The following ZNF668 variants were observed in gnomAD, a reference collection of about 807,000 sequenced individuals.
The protein encoded by ZNF668 is zinc finger protein 668.
Under a neutral mutation model 40.3 loss-of-function variants are expected in ZNF668, and 10 were observed. The observed-to-expected ratio is 0.25, with a 90% CI of 0.15 to 0.42. The LOEUF (loss-of-function observed/expected upper bound fraction) is 0.42. ZNF668 is among the 10% of genes least tolerant of loss of function. The pLI, the probability that ZNF668 is intolerant of heterozygous loss-of-function variation, is 1.00. For missense variants in ZNF668, 749 were observed against 904.6 expected, an observed-to-expected ratio of 0.83 and a Z score of 2.21; for synonymous variants, 428 against 384.6, an observed-to-expected ratio of 1.11 and a Z score of -1.32.
At position 31,060,930 on chromosome 16, in the gene ZNF668, C is replaced by T; in HGVS notation, c.*138G>A. ...TGCCAGCCTCCACTGTCCCAGCTCT[C>T]TTAGCTGGCCGACAGGGGAGCTAGT... On this transcript the variant is annotated 3_prime_UTR_variant, in exon 3 of 3. Transcript: ENST00000300849. 2 of 1,112,884 alleles carry T rather than the reference C, an allele frequency of 1.8e-6. No individual in the cohort carries two copies. Among genetic ancestry groups the T allele is most frequent in the Non-Finnish European group, 2.4e-6 (2 of 834,214 alleles). 68.9% of individuals were successfully genotyped at this position (1,112,884 alleles called of 1,614,324 possible).
At chr16:31,069,634 CT>C (rs565173006) in intron 1 of ZNF668, among the ~76,000 whole-genome samples, 67 of 152,232 alleles carry the variant, frequency 4.4e-4, no homozygotes, top group African/African-American at 1.2e-3. Context: ...ATCTTTACCC[CT>C]GATAATCATT....
At chr16:31,065,994 C>T in intron 1 of ZNF668, 2 of 983,020 alleles carry the variant, frequency 2.0e-6, no homozygotes, top group Non-Finnish European at 2.4e-6. Flanking sequence ...GACTCAGGGC[C>T]CCTTATGCCA....
chr16:31,064,229 G>C lies in ZNF668; in HGVS notation c.231C>G (p.Ser77=), dbSNP rs1224381793. Residue 77 remains serine, a synonymous_variant, in exon 2 of 3, where the codon TCC becomes TCG. Transcript: ENST00000300849. ...EEASGEKVSG[S]AAKPRPYACP... ...ACGCATAGGGCCTAGGCTTGGCCGC[G>C]GAGCCTGACACCTTCTCCCCACTGG... 6.2e-7 allele frequency: 1 copy of C among 1,613,352 alleles called. No homozygotes were observed.
chr16:31,061,737 A>G lies in ZNF668; in HGVS notation c.1191T>C (p.Cys397=). 6.2e-7 allele frequency: 1 copy of G among 1,613,572 alleles called. No individual in the cohort carries two copies. The highest frequency in any genetic ancestry group is 1.3e-5 in the African/African-American group (1 of 75,050). The change falls in exon 3 of 3, where the codon TGT becomes TGC. Residue 397 remains cysteine, a synonymous_variant. Transcript: ENST00000300849. The surrounding 1 kb of genome is among the most constrained non-coding windows in gnomAD (Gnocchi z 7.7). Reference sequence around the variant, plus strand: ...TCGACGACACCACAAAGGATTTCCCACATGCGTTACAGTGGAAGGGGCGCT... The same window carrying G: ...TCGACGACACCACAAAGGATTTCCCGCATGCGTTACAGTGGAAGGGGCGCT... ...SGERPFHCNA[C]GKSFVVSSSL...
intron 1 of ZNF668, among the ~76,000 whole-genome samples, chr16:31,067,187 T>C (rs1311523856): frequency 2.0e-5 from 3 of 152,118 alleles, no homozygotes; most frequent in African/African-American, 7.2e-5. Flanking sequence ...GCCACTGCAC[T>C]CCAGCCTGGC....
rs2303222 is a variant in ZNF668, at chr16:31,074,149, T to A, written c.-513A>T. 1 of 152,100 alleles carries A rather than the reference T, an allele frequency of 6.6e-6. No homozygotes were observed. Among genetic ancestry groups the A allele is most frequent in the African/African-American group, 2.4e-5 (1 of 41,418 alleles). 9.4% of individuals were successfully genotyped at this position (152,100 alleles called of 1,614,324 possible). A position where few individuals can be genotyped will look rare whatever the true frequency, so the allele number is the denominator to read the frequency against. ...CCCACGAAAAGTGTCACCAAAGTACTGTGGCCAGGGCTGTAGAATCTTTTT... is the reference window on the plus strand; with the variant it reads ...CCCACGAAAAGTGTCACCAAAGTACAGTGGCCAGGGCTGTAGAATCTTTTT... On this transcript the variant is annotated 5_prime_UTR_variant, in exon 1 of 3. Transcript: ENST00000300849.
Position 31,063,896 on chromosome 16 carries a change from A to T in ZNF668, c.564T>A (p.Arg188=). 6.3e-7 allele frequency: 1 copy of T among 1,594,636 alleles called. No homozygotes were observed. Among genetic ancestry groups the T allele is most frequent in the Non-Finnish European group, 8.5e-7 (1 of 1,171,168 alleles). The stretch of plus-strand genomic sequence containing the variant: ...TGTAGGGCCGCAGGCCAGCGTGAGT[A>T]CGCCGGTGCTTGCGGAACACTGAAG... The part of the protein sequence containing the change: ...ADPSVFRKHR[R]THAGLRPYSC... The change falls in exon 2 of 3, where the codon CGT becomes CGA. Residue 188 remains arginine, a synonymous_variant. Transcript: ENST00000300849.
chr16:31,073,446 C>A (rs1244364245), intron 1 of ZNF668: 2 of 152,214 alleles, frequency 1.3e-5, no homozygotes, highest in Admixed American at 1.3e-4. Context: ...CCTGGGTGTC[C>A]GCAGCCCAGA....
intron 1 of ZNF668, chr16:31,065,135 G>A: frequency 1.0e-5 from 10 of 1,002,034 alleles, no homozygotes; most frequent in Non-Finnish European, 1.2e-5. Flanking sequence ...CCACAACTCT[G>A]GTAATGGAGA....
Position 31,062,290 on chromosome 16 carries a change from T to A in ZNF668, c.648-10A>T, listed in dbSNP as rs767713498. The A allele has an allele frequency of 1.1e-4, 168 of 1,583,690 alleles. No individual in the cohort carries two copies. Among genetic ancestry groups the A allele is most frequent in the Middle Eastern group, 1.7e-4 (1 of 5,952 alleles). On this transcript the variant is annotated splice_polypyrimidine_tract_variant and intron_variant, in intron 2 of 2. Coordinates refer to ENST00000300849, the MANE Select transcript of ZNF668 (RefSeq NM_024706.5). ...CTCGCCGGTGTGGGACCTGCGGGGGTGTGGAGGACTTGGCATGAAGGCGAC... is the reference window on the plus strand; with the variant it reads ...CTCGCCGGTGTGGGACCTGCGGGGGAGTGGAGGACTTGGCATGAAGGCGAC...
chr16:31,068,275 G>A (rs1330625603), intron 1 of ZNF668, among the ~76,000 whole-genome samples: 1 of 121,506 alleles, frequency 8.2e-6, no homozygotes, highest in Non-Finnish European at 1.7e-5. Flanking sequence ...TAATTTTTGA[G>A]ATGGAGTCTT....
At chr16:31,072,633 C>T (rs1203139637) in intron 1 of ZNF668, 1 of 152,348 alleles carries the variant, frequency 6.6e-6, no homozygotes, top group East Asian at 1.9e-4. Flanking sequence ...ACCACACAGG[C>T]CTCACGGCCA....
intron 1 of ZNF668, among the ~76,000 whole-genome samples, chr16:31,068,239 A>AATATATATATAT (rs869069195): frequency 4.8e-5 from 4 of 83,008 alleles, no homozygotes; most frequent in Admixed American, 1.8e-4. Context: ...AAAAAAAAAA[A>AATATATATATAT]ATATATATAT....
chr16:31,065,037 C>A, intron 1 of ZNF668: 7 of 1,102,072 alleles, frequency 6.4e-6, no homozygotes, highest in Non-Finnish European at 7.8e-6. Context: ...ACTGTTCACA[C>A]AGAATTCTGG....
At position 31,061,031 on chromosome 16, in the gene ZNF668, T is replaced by G; in HGVS notation, c.*37A>C. 6.9e-7 allele frequency: 1 copy of G among 1,443,422 alleles called. No individual in the cohort carries two copies. The highest frequency in any genetic ancestry group is 2.7e-5 in the Admixed American group (1 of 37,420). The allele number at this position is 1,443,422 out of a possible 1,614,324, so 89.4% of individuals were successfully genotyped here. A position where few individuals can be genotyped will look rare whatever the true frequency, so the allele number is the denominator to read the frequency against. On this transcript the variant is annotated 3_prime_UTR_variant, in exon 3 of 3. Transcript: ENST00000300849. The surrounding 1 kb of genome is among the most constrained non-coding windows in gnomAD (Gnocchi z 7.7). ...GGTACAGGAAGCCCCCGATGGGGGCTGGGCTCCCGGAGTGTGGTGCTGGGG... is the reference window on the plus strand; with the variant it reads ...GGTACAGGAAGCCCCCGATGGGGGCGGGGCTCCCGGAGTGTGGTGCTGGGG...
At chr16:31,073,399 A>G (rs994598481) in intron 1 of ZNF668, 7 of 151,988 alleles carry the variant, frequency 4.6e-5, no homozygotes, top group African/African-American at 1.5e-4. Context: ...GACCCCCGGG[A>G]CCACACCGCG....
intron 1 of ZNF668, among the ~76,000 whole-genome samples, chr16:31,067,487 C>G (rs115308163): frequency 6.6e-6 from 1 of 151,984 alleles, no homozygotes; most frequent in Non-Finnish European, 1.5e-5. Flanking sequence ...CTGATGTGAC[C>G]GTGTGTAATG....
In ZNF668 at chr16:31,061,527, A is replaced by G; in HGVS notation, c.1401T>C (p.Gly467=). 1 of 1,611,502 alleles carries G rather than the reference A, an allele frequency of 6.2e-7. No homozygotes were observed. The highest frequency in any genetic ancestry group is 8.5e-7 in the Non-Finnish European group (1 of 1,179,818). Residue 467 remains glycine, a synonymous_variant, in exon 3 of 3, where the codon GGT becomes GGC. Transcript: ENST00000300849. This position sits in a 1 kb window ranked among gnomAD's most constrained non-coding sequence, Gnocchi z 7.7. The part of the protein sequence containing the change: ...AGLLGLPPES[G]GVMATQWQVV... The stretch of plus-strand genomic sequence containing the variant: ...CCTGCCACTGTGTGGCCATCACACC[A>G]CCTGACTCCGGGGGCAGCCCTAGCA...
rs2057040605 is a variant in ZNF668, at chr16:31,073,883, C to T, written c.-247G>A. 6.6e-6 allele frequency: 1 copy of T among 152,192 alleles called. No homozygotes were observed. Among genetic ancestry groups the T allele is most frequent in the Non-Finnish European group, 1.5e-5 (1 of 68,070 alleles). The allele number at this position is 152,192 out of a possible 1,614,324, so 9.4% of individuals were successfully genotyped here. ...GGCAGAGAAGCATCTTGCAAGAGGT[C>T]TCTGTGTGTGCTGAGGCAAGGGGAC... On this transcript the variant is annotated 5_prime_UTR_variant, in exon 1 of 3. Coordinates refer to ENST00000300849, the MANE Select transcript of ZNF668 (RefSeq NM_024706.5).
Sources: allele counts gnomAD v4.1 joint callset (sites outside exome capture counted in the v4.1 genomes callset), GRCh38; gene constraint gnomAD v4.1.1; non-coding constraint Gnocchi (gnomAD v3.1); transcripts MANE v1.5; gene names NCBI Gene and HGNC (gene_info 2026-07-23, HGNC 2026-07-21).